Variants in COL22A1 observed in about 807,000 individuals in gnomAD.
COL22A1 encodes collagen type XXII alpha 1 chain.
In COL22A1, 221 loss-of-function variants were observed where a neutral mutation model predicts 248.9. The observed-to-expected ratio is 0.89, with a 90% CI of 0.80 to 0.99. The LOEUF (loss-of-function observed/expected upper bound fraction) is 0.99. COL22A1 is among the 50% of genes least tolerant of loss of function. COL22A1 has a pLI of 0.00. For synonymous variants in COL22A1, 891 were observed against 793.4 expected (o/e 1.12, Z -2.07); for missense variants, 2,240 against 2,179.0 (o/e 1.03, Z -0.56).
At chr8:138,779,818 A>G (rs73362852) in intron 13 of COL22A1, among the ~76,000 whole-genome samples, 16,883 of 152,202 alleles carry the variant, frequency 0.11, 2,648 homozygotes, top group African/African-American at 0.35. Flanking sequence ...CTGGAGTGCA[A>G]TGGCACGATC....
chr8:138,651,391 TG>T (rs749073580), intron 45 of COL22A1, among the ~76,000 whole-genome samples: 2 of 152,196 alleles, frequency 1.3e-5, no homozygotes, highest in Non-Finnish European at 2.9e-5. Context: ...GTGCTATAAA[TG>T]AATGAATCAG....
chr8:138,657,387 C>T (rs1823372778), intron 44 of COL22A1, among the ~76,000 whole-genome samples: 1 of 152,204 alleles, frequency 6.6e-6, no homozygotes. Context: ...ATGCTGCTGG[C>T]ATTCTATTAC....
In COL22A1 at chr8:138,887,305, A is replaced by C. The variant is rs186379901; in HGVS notation, c.-72-4061T>G. On this transcript the variant is annotated intron_variant, in intron 1 of 64. Coordinates refer to ENST00000303045, the MANE Select transcript of COL22A1 (RefSeq NM_152888.3). ...AGTGGTGCCATCTCAGCTCACTGCA[A>C]CCTCTGCCTCCTGGGTTCAAGCAAT... Among the ~76,000 whole-genome samples, 36 of 151,242 alleles carry C rather than the reference A, an allele frequency of 2.4e-4. No individual in the cohort carries two copies. In the East Asian group the frequency reaches 7.0e-3, roughly 30 times the overall value.
At chr8:138,788,164 C>A (rs1429352043) in intron 12 of COL22A1, among the ~76,000 whole-genome samples, 1 of 152,194 alleles carries the variant, frequency 6.6e-6, no homozygotes, top group Non-Finnish European at 1.5e-5. Context: ...AGAAGGGCAA[C>A]TTCTCAGGCC....
intron 1 of COL22A1, among the ~76,000 whole-genome samples, chr8:138,889,570 G>C (rs528634064): frequency 1.3e-5 from 2 of 152,186 alleles, no homozygotes; most frequent in African/African-American, 2.4e-5. Context: ...TTGTGGGGTG[G>C]GGGGAGTGGG....
At chr8:138,654,411 G>T (rs1340376208) in intron 45 of COL22A1, among the ~76,000 whole-genome samples, 1 of 152,146 alleles carries the variant, frequency 6.6e-6, no homozygotes, top group Non-Finnish European at 1.5e-5. Flanking sequence ...TCCCATCAAG[G>T]CATCTCAATT....
At chr8:138,646,532 C>A in intron 47 of COL22A1, 97 bp downstream of exon 47, 2 of 912,510 alleles carry the variant, frequency 2.2e-6, no homozygotes, top group South Asian at 2.6e-5. Context: ...ATTTTAAAAC[C>A]ACTCCTTTAC....
chr8:138,787,643 G>A (rs1362282133), intron 12 of COL22A1, among the ~76,000 whole-genome samples: 5 of 152,206 alleles, frequency 3.3e-5, no homozygotes, highest in Non-Finnish European at 4.4e-5. Context: ...GACAATGGAT[G>A]AGATTCACTG....
intron 1 of COL22A1, among the ~76,000 whole-genome samples, chr8:138,884,218 C>T (rs1246957081): frequency 6.6e-6 from 1 of 152,194 alleles, no homozygotes; most frequent in South Asian, 2.1e-4. Flanking sequence ...TGCTCAGCTA[C>T]CTGCAAGTGA....
intron 1 of COL22A1, among the ~76,000 whole-genome samples, chr8:138,904,261 T>C (rs771975374): frequency 6.6e-6 from 1 of 152,162 alleles, no homozygotes; most frequent in Non-Finnish European, 1.5e-5. Flanking sequence ...CAACTCAGTT[T>C]AGATATGCTT....
chr8:138,909,765 G>C (rs1563914879), intron 1 of COL22A1, among the ~76,000 whole-genome samples: 1 of 152,146 alleles, frequency 6.6e-6, no homozygotes, highest in Non-Finnish European at 1.5e-5. Context: ...ACAATGGGCT[G>C]GCAGGGCCAC....
In COL22A1 at chr8:138,716,751, A is replaced by C. The variant is rs979573956; in HGVS notation, c.2400+74T>G. 1.8e-5 allele frequency: 20 copies of C among 1,111,692 alleles called. 1 individual carries two copies. The highest frequency in any genetic ancestry group is 2.3e-5 in the Non-Finnish European group (17 of 735,166). 68.9% of individuals were successfully genotyped at this position (1,111,692 alleles called of 1,614,324 possible). Reference sequence around the variant, plus strand: ...GATTAATTCCTCTTGGCATCTAAATAATTTATACAAGATGTAGCGTATAAC... The same window carrying C: ...GATTAATTCCTCTTGGCATCTAAATCATTTATACAAGATGTAGCGTATAAC... On this transcript the variant is annotated intron_variant, in intron 28 of 64. Transcript: ENST00000303045.
chr8:138,885,104 G>A (rs546765280), intron 1 of COL22A1, among the ~76,000 whole-genome samples: 4 of 152,230 alleles, frequency 2.6e-5, no homozygotes, highest in South Asian at 2.1e-4. Flanking sequence ...CATCTGCTGC[G>A]GGAGCCCTGC....
At chr8:138,635,407 GTCTTTAT>G (rs1821066604) in intron 48 of COL22A1, among the ~76,000 whole-genome samples, 1 of 152,282 alleles carries the variant, frequency 6.6e-6, no homozygotes, top group Admixed American at 6.5e-5. Context: ...TTTTATTACA[GTCTTTAT>G]TCTTTAGATA....
chr8:138,610,484 G>A (rs894318517), intron 56 of COL22A1, among the ~76,000 whole-genome samples: 5 of 152,310 alleles, frequency 3.3e-5, no homozygotes, highest in African/African-American at 9.6e-5. Context: ...AAATTTCAAT[G>A]GAGTAAAAAT....
chr8:138,763,896 G>A (rs953260997), intron 16 of COL22A1, among the ~76,000 whole-genome samples: 1 of 151,820 alleles, frequency 6.6e-6, no homozygotes, highest in Non-Finnish European at 1.5e-5. Context: ...CCCTGTACAC[G>A]CACCTCCCCA....
At chr8:138,853,927 G>T (rs1348985791) in intron 3 of COL22A1, among the ~76,000 whole-genome samples, 1 of 152,220 alleles carries the variant, frequency 6.6e-6, no homozygotes, top group African/African-American at 2.4e-5. Flanking sequence ...AGTGTGCCCT[G>T]CAGAGATGGT....
chr8:138,599,683 C>T (rs4074877), intron 60 of COL22A1, among the ~76,000 whole-genome samples: 36,475 of 151,892 alleles, frequency 0.24, 5,194 homozygotes, highest in African/African-American at 0.4. Flanking sequence ...TATGATCATG[C>T]CACTGCACTC....
intron 46 of COL22A1, among the ~76,000 whole-genome samples, chr8:138,648,828 A>G (rs1239910313): frequency 6.6e-6 from 1 of 152,244 alleles, no homozygotes; most frequent in Non-Finnish European, 1.5e-5. Flanking sequence ...AGATGAACGT[A>G]TGTGACAAAT....
Sources: gnomAD v4.1 joint callset for allele counts (sites outside exome capture counted in the v4.1 genomes callset) on GRCh38, gnomAD v4.1.1 for gene constraint, MANE v1.5 for transcripts, NCBI Gene and HGNC (gene_info 2026-07-23, HGNC 2026-07-21) for gene names.